The following IKZF1 variants were observed in gnomAD, a reference collection of about 807,000 sequenced individuals.
The protein encoded by IKZF1 is IKAROS family zinc finger 1, also known as DNA-binding protein Ikaros.
Under a neutral mutation model 51.7 loss-of-function variants are expected in IKZF1, and 10 were observed. That is an observed-to-expected ratio of 0.19 (90% CI 0.12 to 0.33). IKZF1 has a LOEUF of 0.33. Among genes scored for constraint, IKZF1 ranks in the 10% least tolerant of loss-of-function variants. The probability of loss-of-function intolerance (pLI) is 1.00; values close to 1 mark genes in which losing one functional copy is unlikely to be tolerated. For missense variants in IKZF1, 484 were observed against 707.5 expected (o/e 0.68, Z 3.58); for synonymous variants, 280 against 282.3 (o/e 0.99, Z 0.08).
chr7:50,318,978 A>ATC (rs1792347828), intron 1 of IKZF1, 70 bp from the exon 2 acceptor site: 4 of 961,398 alleles, frequency 4.2e-6, no homozygotes, highest in Non-Finnish European at 5.0e-6. Flanking sequence ...GGGGTTCTTT[A>ATC]TCTCTCTCTC....
intron 4 of IKZF1, among the ~76,000 whole-genome samples, chr7:50,381,601 G>T (rs891588270): frequency 6.6e-6 from 1 of 152,116 alleles, no homozygotes; most frequent in Non-Finnish European, 1.5e-5. Context: ...CAGAGGAGAG[G>T]GTCAGGTGTT....
chr7:50,363,972 A>G (rs1235443250), intron 3 of IKZF1, among the ~76,000 whole-genome samples: 1 of 152,244 alleles, frequency 6.6e-6, no homozygotes, highest in East Asian at 1.9e-4. Flanking sequence ...AGGTCATAAT[A>G]GACTAGTGAT....
rs900320550 is a variant in IKZF1 at position 50,403,434 on chromosome 7, G to T, written c.*2807G>T. On this transcript the variant is annotated 3_prime_UTR_variant, in exon 8 of 8. Coordinates refer to ENST00000331340, the MANE Select transcript of IKZF1 (RefSeq NM_006060.6). The stretch of plus-strand genomic sequence containing the variant: ...GATTCCATGCACTCTCGTTGTGTTT[G>T]AAGTAAATATTGGAGACCGGAGGGT... 2.2e-5 allele frequency: 5 copies of T among 224,788 alleles called. No homozygotes were observed. Among genetic ancestry groups the T allele is most frequent in the African/African-American group, 1.1e-4 (5 of 44,840 alleles). 13.9% of individuals were successfully genotyped at this position (224,788 alleles called of 1,614,324 possible). A position where few individuals can be genotyped will look rare whatever the true frequency, so the allele number is the denominator to read the frequency against.
intron 3 of IKZF1, among the ~76,000 whole-genome samples, chr7:50,345,321 T>C (rs1316327315): frequency 6.6e-6 from 1 of 152,212 alleles, no homozygotes; most frequent in Non-Finnish European, 1.5e-5. Flanking sequence ...AGAATCATAT[T>C]GTCTCCAAAG....
intron 3 of IKZF1, among the ~76,000 whole-genome samples, chr7:50,344,472 T>G (rs934788110): frequency 1.3e-5 from 2 of 152,230 alleles, no homozygotes; most frequent in Non-Finnish European, 2.9e-5. Context: ...ACATTTTGCC[T>G]CTCTATTTTT....
At chr7:50,309,651 A>G (rs1013837114) in intron 1 of IKZF1, among the ~76,000 whole-genome samples, 6 of 152,226 alleles carry the variant, frequency 3.9e-5, no homozygotes, top group Non-Finnish European at 7.3e-5. Flanking sequence ...CTATTTGAAA[A>G]TGAACAATGT....
rs771834199 is a variant in IKZF1, at chr7:50,382,646, C to T, written c.528C>T (p.His176=). The change falls in exon 5 of 8, where the codon CAC becomes CAT. Residue 176 remains histidine, a synonymous_variant. Coordinates refer to ENST00000331340, the MANE Select transcript of IKZF1 (RefSeq NM_006060.6). Reference sequence around the variant, plus strand: ...CCGGGGAGAAGCCCTTCAAATGCCACCTCTGCAACTACGCCTGCCGCCGGA... The same window carrying T: ...CCGGGGAGAAGCCCTTCAAATGCCATCTCTGCAACTACGCCTGCCGCCGGA... ...LHSGEKPFKC[H]LCNYACRRRD... The T allele has an allele frequency of 1.9e-6, 3 of 1,613,244 alleles. No homozygotes were observed. Among genetic ancestry groups the T allele is most frequent in the Admixed American group, 3.3e-5 (2 of 60,022 alleles).
At chr7:50,312,886 C>T (rs1238738951) in intron 1 of IKZF1, among the ~76,000 whole-genome samples, 2 of 152,168 alleles carry the variant, frequency 1.3e-5, no homozygotes, top group Non-Finnish European at 2.9e-5. Context: ...TTCCTGCTTT[C>T]CTGTTTAAAT....
At chr7:50,386,411 A>C (rs1472760957) in intron 5 of IKZF1, among the ~76,000 whole-genome samples, 1 of 152,236 alleles carries the variant, frequency 6.6e-6, no homozygotes, top group Non-Finnish European at 1.5e-5. Context: ...CAACAGCTAC[A>C]TATGGCTGGT....
intron 3 of IKZF1, among the ~76,000 whole-genome samples, chr7:50,332,449 A>G (rs1796619777): frequency 6.6e-6 from 1 of 152,154 alleles, no homozygotes; most frequent in Non-Finnish European, 1.5e-5. Flanking sequence ...CTCCCCCATG[A>G]AATCAGGCAG....
chr7:50,336,295 G>A (rs1797767509), intron 3 of IKZF1, among the ~76,000 whole-genome samples: 1 of 152,056 alleles, frequency 6.6e-6, no homozygotes, highest in Non-Finnish European at 1.5e-5. Flanking sequence ...CAGAGGGAGG[G>A]GATGAGTCAT....
At chr7:50,322,612 A>G (rs1360345936) in intron 2 of IKZF1, among the ~76,000 whole-genome samples, 1 of 152,182 alleles carries the variant, frequency 6.6e-6, no homozygotes, top group African/African-American at 2.4e-5. Context: ...ACGTCTCACT[A>G]ATTCTTTGGG....
chr7:50,386,349 A>G (rs1331951279), intron 5 of IKZF1, among the ~76,000 whole-genome samples: 2 of 152,248 alleles, frequency 1.3e-5, no homozygotes, highest in Non-Finnish European at 2.9e-5. Flanking sequence ...AGTTAAAATT[A>G]AACAAAATTA....
At chr7:50,305,086 C>T (rs1447219559) in intron 1 of IKZF1, among the ~76,000 whole-genome samples, 164 bp downstream of exon 1, 2 of 152,176 alleles carry the variant, frequency 1.3e-5, no homozygotes, top group East Asian at 1.9e-4. Flanking sequence ...TTCTGTCAAG[C>T]GTCTGTTGCT....
chr7:50,323,267 G>C (rs1793919530), intron 2 of IKZF1, among the ~76,000 whole-genome samples: 1 of 152,190 alleles, frequency 6.6e-6, no homozygotes, highest in Non-Finnish European at 1.5e-5. Context: ...AAGTCCAACA[G>C]GGAGTCAGAG....
intron 1 of IKZF1, among the ~76,000 whole-genome samples, chr7:50,306,892 ACTCT>A (rs892366383): frequency 6.6e-6 from 1 of 152,178 alleles, no homozygotes. Flanking sequence ...ATAGGAAAGA[ACTCT>A]CTATATATTA....
At chr7:50,330,935 C>T (rs952483272) in intron 3 of IKZF1, among the ~76,000 whole-genome samples, 1 of 152,126 alleles carries the variant, frequency 6.6e-6, no homozygotes, top group African/African-American at 2.4e-5. Flanking sequence ...GGGACAGGTC[C>T]AGGCCCTCTC....
intron 3 of IKZF1, among the ~76,000 whole-genome samples, chr7:50,348,508 A>G (rs893815659): frequency 1.3e-5 from 2 of 152,208 alleles, no homozygotes; most frequent in Non-Finnish European, 2.9e-5. Context: ...CCTTATTGCT[A>G]TGGGACCAAG....
intron 3 of IKZF1, among the ~76,000 whole-genome samples, chr7:50,336,953 C>A (rs1405528069): frequency 2.6e-5 from 4 of 152,096 alleles, no homozygotes; most frequent in African/African-American, 9.7e-5. Context: ...AAGAAGGAGA[C>A]AGAGTGAGTT....
Sources: gnomAD v4.1 joint callset for allele counts (sites outside exome capture counted in the v4.1 genomes callset) on GRCh38, gnomAD v4.1.1 for gene constraint, MANE v1.5 for transcripts, NCBI Gene and HGNC (gene_info 2026-07-23, HGNC 2026-07-21) for gene names.